The following DNAH14 variants were observed in gnomAD, a reference collection of about 807,000 sequenced individuals.
The protein encoded by DNAH14 is axonemal beta dynein heavy chain 14.
DNAH14 carries 478 observed loss-of-function variants against 520.9 expected under a neutral mutation model. That is an observed-to-expected ratio of 0.92 (90% CI 0.85 to 0.99). The LOEUF is 0.99. DNAH14 is among the 50% of genes least tolerant of loss of function. The pLI is 0.00. For missense variants in DNAH14, 4,831 were observed against 5,234.5 expected (o/e 0.92, Z 2.38); for synonymous variants, 1,581 against 1,757.2 (o/e 0.90, Z 2.51).
At chr1:224,994,404 AC>A (rs1328447773) in intron 8 of DNAH14, among the ~76,000 whole-genome samples, 1 of 151,784 alleles carries the variant, frequency 6.6e-6, no homozygotes, top group Non-Finnish European at 1.5e-5. Context: ...TGATGAGTTG[AC>A]CCCTTTATCA....
chr1:224,950,846 A>T (rs1168749029), intron 1 of DNAH14, among the ~76,000 whole-genome samples: 1 of 151,616 alleles, frequency 6.6e-6, no homozygotes, highest in South Asian at 2.1e-4. Flanking sequence ...AAAGAACACT[A>T]TTTTGCTCAT....
chr1:225,333,679 C>T (rs934016901), intron 66 of DNAH14, among the ~76,000 whole-genome samples, 173 bp downstream of exon 66: 2 of 152,140 alleles, frequency 1.3e-5, no homozygotes, highest in African/African-American at 4.8e-5. Context: ...CCTAATGCCT[C>T]AATAAGTTAT....
At chr1:224,934,510 A>C (rs1039958512) in intron 1 of DNAH14, among the ~76,000 whole-genome samples, 1 of 151,934 alleles carries the variant, frequency 6.6e-6, no homozygotes, top group Admixed American at 6.6e-5. Context: ...AGTATAAAAA[A>C]GAATGAGCAA....
At chr1:225,129,061 T>C (rs1349519702) in intron 27 of DNAH14, among the ~76,000 whole-genome samples, 3 of 152,006 alleles carry the variant, frequency 2.0e-5, no homozygotes, top group African/African-American at 7.3e-5. Context: ...TGAACTCCCA[T>C]TCACAATTGC....
intron 15 of DNAH14, among the ~76,000 whole-genome samples, chr1:225,044,324 C>T (rs2501104): frequency 0.9 from 137,667 of 152,238 alleles, 63,797 homozygotes; most frequent in East Asian, 1. Flanking sequence ...CTTAAAGAGA[C>T]TTTAATTATT....
intron 5 of DNAH14, among the ~76,000 whole-genome samples, chr1:224,966,756 A>G (rs2061194873): frequency 6.6e-6 from 1 of 152,136 alleles, no homozygotes; most frequent in East Asian, 1.9e-4. Context: ...GTGTGAGTAA[A>G]GCTCCCTGCA....
At position 225,322,662 on chromosome 1, in the gene DNAH14, A is replaced by G. The variant is rs534233214; in HGVS notation, c.9336-2A>G. 31 of 1,513,950 alleles carry G rather than the reference A, an allele frequency of 2.0e-5. No homozygotes were observed. The highest frequency in any genetic ancestry group is 2.5e-5 in the South Asian group (2 of 78,590). 93.8% of individuals were successfully genotyped at this position (1,513,950 alleles called of 1,614,324 possible). A position where few individuals can be genotyped will look rare whatever the true frequency, so the allele number is the denominator to read the frequency against. On this transcript the variant is annotated splice_acceptor_variant, in intron 61 of 85. Transcript: ENST00000682510. LOFTEE classifies it high-confidence loss of function. ...TGATGAGATTTTCATCATCTATTAC[A>G]GAGTATACACACGGCCTCCCTTCCT... is the stretch of plus-strand genomic sequence containing the variant.
chr1:225,037,599 TGTA>T (rs890967474), intron 11 of DNAH14, among the ~76,000 whole-genome samples: 26 of 152,294 alleles, frequency 1.7e-4, no homozygotes, highest in African/African-American at 6.0e-4. Context: ...CTTGAAAAAT[TGTA>T]GTTCTTTTTG....
At chr1:225,110,028 G>A (rs942430889) in intron 23 of DNAH14, among the ~76,000 whole-genome samples, 5 of 152,156 alleles carry the variant, frequency 3.3e-5, no homozygotes, top group Non-Finnish European at 7.4e-5. Context: ...TCACTGGGAT[G>A]AATCCCACTT....
chr1:225,394,081 A>G (rs1316849001), intron 84 of DNAH14, among the ~76,000 whole-genome samples: 1 of 152,102 alleles, frequency 6.6e-6, no homozygotes, highest in East Asian at 1.9e-4. Flanking sequence ...CGCCTCCCAA[A>G]GTGCTGGGAT....
At chr1:225,110,291 G>C (rs1400265456) in intron 23 of DNAH14, among the ~76,000 whole-genome samples, 2 of 152,084 alleles carry the variant, frequency 1.3e-5, no homozygotes, top group Non-Finnish European at 1.5e-5. Flanking sequence ...AAATTCAGCA[G>C]TGAAGCATCA....
At chr1:225,389,926 TCA>T in intron 83 of DNAH14, 53 bp downstream of exon 83, 1 of 1,504,988 alleles carries the variant, frequency 6.6e-7, no homozygotes, top group Non-Finnish European at 9.0e-7. Context: ...AAGTTTGCAC[TCA>T]GTCCTTCTGT....
At position 225,273,013 on chromosome 1, in the gene DNAH14, C is replaced by T; in HGVS notation, c.7898C>T (p.Ala2633Val). 1.3e-6 allele frequency: 2 copies of T among 1,551,588 alleles called. No homozygotes were observed. The highest frequency in any genetic ancestry group is 1.7e-6 in the Non-Finnish European group (2 of 1,146,946). ...RTVVNSKEMA[A>V]LLFVHEATRV... is the part of the protein sequence containing the mutation. ...GTTGTTAACTCCAAAGAGATGGCTG[C>T]TCTGCTCTTTGTTCATGAAGCCACC... is the stretch of plus-strand genomic sequence containing the variant. Residue 2633 changes from alanine to valine, a missense_variant, in exon 52 of 86, where the codon GCT (alanine) becomes GTT (valine). Coordinates refer to ENST00000682510, the MANE Select transcript of DNAH14 (RefSeq NM_001367479.1).
At chr1:225,137,962 C>G (rs1438121818) in intron 27 of DNAH14, among the ~76,000 whole-genome samples, 1 of 152,156 alleles carries the variant, frequency 6.6e-6, no homozygotes, top group African/African-American at 2.4e-5. Flanking sequence ...TGGAGACCCC[C>G]CTAGTGAGGA....
chr1:225,286,876 T>C (rs1240727533), intron 54 of DNAH14, among the ~76,000 whole-genome samples: 5 of 152,126 alleles, frequency 3.3e-5, no homozygotes, highest in African/African-American at 1.2e-4. Flanking sequence ...AGTACATTGA[T>C]ACAATGGAAT....
At chr1:225,129,876 T>C (rs1027830479) in intron 27 of DNAH14, among the ~76,000 whole-genome samples, 22 of 152,066 alleles carry the variant, frequency 1.4e-4, no homozygotes, top group Non-Finnish European at 1.2e-4. Flanking sequence ...TCAGAGTGAA[T>C]AGGCAATCCA....
Position 225,392,993 on chromosome 1 carries a change from C to A in DNAH14, c.13491+542C>A, listed in dbSNP as rs763454916. 1.8e-4 allele frequency among the ~76,000 whole-genome samples: 28 copies of A among 152,310 alleles called. 1 individual carries two copies. The highest frequency in any genetic ancestry group is 1.5e-3 in the South Asian group (7 of 4,822). ...AGCCCTGCCACTCCCACGCCACTGT[C>A]CCCACTGATTTGAAGGGCCACAGCT... On this transcript the variant is annotated intron_variant, in intron 84 of 85. Transcript: ENST00000682510.
chr1:225,265,895 A>C (rs2093096099), intron 48 of DNAH14, among the ~76,000 whole-genome samples: 2 of 151,512 alleles, frequency 1.3e-5, no homozygotes, highest in Admixed American at 1.3e-4. Flanking sequence ...TTTGTGATAC[A>C]AAAGGGGAGA....
At chr1:225,181,714 G>A (rs1360940192) in intron 36 of DNAH14, among the ~76,000 whole-genome samples, 1 of 151,872 alleles carries the variant, frequency 6.6e-6, no homozygotes, top group Non-Finnish European at 1.5e-5. Context: ...AATTCTTTAA[G>A]TTGCTTATAG....
Sources: allele counts gnomAD v4.1 joint callset (sites outside exome capture counted in the v4.1 genomes callset), GRCh38; gene constraint gnomAD v4.1.1; transcripts MANE v1.5; gene names NCBI Gene and HGNC (gene_info 2026-07-23, HGNC 2026-07-21).